Variants in KIF13B observed in about 807,000 individuals in gnomAD.
The protein encoded by KIF13B is kinesin family member 13B, also known as kinesin-like protein KIF13B.
In KIF13B, 127 loss-of-function variants were observed where a neutral mutation model predicts 222.0. That is an observed-to-expected ratio of 0.57 (90% CI 0.50 to 0.66). The LOEUF is 0.66. KIF13B is among the 30% of genes least tolerant of loss of function. KIF13B has a pLI of 0.00. For missense variants in KIF13B, 2,173 were observed against 2,379.0 expected, an observed-to-expected ratio of 0.91 and a Z score of 1.80; for synonymous variants, 976 against 919.0, an observed-to-expected ratio of 1.06 and a Z score of -1.12.
chr8:29,121,737 A>G lies in KIF13B; in HGVS notation c.3535+854T>C, dbSNP rs550565193. Among the ~76,000 whole-genome samples the G allele has an allele frequency of 2.0e-5, 3 of 150,928 alleles. No homozygotes were observed. In the South Asian group the frequency reaches 6.3e-4, roughly 32 times the overall value. On this transcript the variant is annotated intron_variant, in intron 29 of 39. Transcript: ENST00000524189. ...TAATTAAACTAAAGAGCTTCTGCACAGCAAAAGAAACTACCATCAGAGTGA... is the reference window on the plus strand; with the variant it reads ...TAATTAAACTAAAGAGCTTCTGCACGGCAAAAGAAACTACCATCAGAGTGA...
chr8:29,081,006 G>A (rs773930178), intron 37 of KIF13B, among the ~76,000 whole-genome samples: 3 of 152,168 alleles, frequency 2.0e-5, no homozygotes, highest in East Asian at 1.9e-4. Flanking sequence ...GTCCCATGTC[G>A]CTCGCCACCT....
intron 11 of KIF13B, 72 bp from the exon 12 acceptor site, chr8:29,165,844 G>A: frequency 1.9e-6 from 2 of 1,031,364 alleles, no homozygotes; most frequent in Non-Finnish European, 3.0e-6. Flanking sequence ...AACTCTAAAA[G>A]GACAAAAGTA....
chr8:29,132,468 G>A lies in KIF13B; in HGVS notation c.2785-3C>T. ...TCGGTGATGTTAACAGAAAACTCCT[G>A]AAACACAACAGCTAATTACAGAAGA... On this transcript the variant is annotated splice_region_variant and splice_polypyrimidine_tract_variant and intron_variant, in intron 22 of 39. Coordinates refer to ENST00000524189, the MANE Select transcript of KIF13B (RefSeq NM_015254.4). 6.7e-7 allele frequency: 1 copy of A among 1,486,366 alleles called. No individual in the cohort carries two copies. Among genetic ancestry groups the A allele is most frequent in the Admixed American group, 2.1e-5 (1 of 46,620 alleles). 92.1% of individuals were successfully genotyped at this position (1,486,366 alleles called of 1,614,324 possible).
At position 29,130,529 on chromosome 8, in the gene KIF13B, T is replaced by A; in HGVS notation, c.3075+4A>T. On this transcript the variant is annotated splice_donor_region_variant and intron_variant, in intron 24 of 39. Coordinates refer to ENST00000524189, the MANE Select transcript of KIF13B (RefSeq NM_015254.4). ...TCTAATGTAAACATTCACAATCTTG[T>A]TACCTGCCGGAGCTGGAAGATTCCT... 1 of 1,613,726 alleles carries A rather than the reference T, an allele frequency of 6.2e-7. No individual in the cohort carries two copies. The highest frequency in any genetic ancestry group is 8.5e-7 in the Non-Finnish European group (1 of 1,179,678).
intron 26 of KIF13B, among the ~76,000 whole-genome samples, chr8:29,126,211 G>T (rs1423164304): frequency 6.6e-6 from 1 of 152,200 alleles, no homozygotes; most frequent in Non-Finnish European, 1.5e-5. Flanking sequence ...GTCCAGGGAA[G>T]AGGATCCAGA....
Position 29,155,852 on chromosome 8 carries a change from T to C in KIF13B, c.1409A>G (p.His470Arg), listed in dbSNP as rs776752918. ...GGAATTTGCTGACCCTATCAATGTA[T>C]GTTCCTAAGAAAAAACCAAATTCAC... is the stretch of plus-strand genomic sequence containing the variant. The part of the protein sequence containing the change: ...NELLVYYLKE[H>R]TLIGSANSQD... The change falls in exon 14 of 40, where the codon CAT (histidine) becomes CGT (arginine). Residue 470 changes from histidine (H) to arginine (R), a missense_variant. Physicochemically the swap from His to Arg is conservative, Grantham distance 29. Around this residue, in one of 2 missense-constraint regions of KIF13B, gnomAD observed 1,480 missense variants for 1,722.8 expected, o/e 0.86. Coordinates refer to ENST00000524189, the MANE Select transcript of KIF13B (RefSeq NM_015254.4). The C allele has an allele frequency of 1.8e-5, 29 of 1,571,622 alleles. No individual in the cohort carries two copies. The African/African-American group carries it at 3.0e-4, about 16-fold the overall frequency.
Position 29,072,286 on chromosome 8 carries a change from C to G in KIF13B, c.4552G>C (p.Val1518Leu), listed in dbSNP as rs879120984. The G allele has an allele frequency of 6.8e-7, 1 of 1,462,790 alleles. No individual in the cohort carries two copies. Among genetic ancestry groups the G allele is most frequent in the African/African-American group, 1.5e-5 (1 of 67,964 alleles). 90.6% of individuals were successfully genotyped at this position (1,462,790 alleles called of 1,614,324 possible). A position where few individuals can be genotyped will look rare whatever the true frequency, so the allele number is the denominator to read the frequency against. ...AAGGCCGGGGCCCCCATCGTCTGCA[C>G]CAGCACGTCAGGGCCCATCTCCGGC... is the stretch of plus-strand genomic sequence containing the variant. The part of the protein sequence containing the change: ...AQPEMGPDVL[V>L]QTMGAPALKI... The change falls in exon 39 of 40, where the codon GTG becomes CTG. Residue 1518 changes from valine (V) to leucine (L), a missense_variant. Around this residue, in one of 2 missense-constraint regions of KIF13B, gnomAD observed 693 missense variants for 656.2 expected, o/e 1.06. Transcript: ENST00000524189.
intron 1 of KIF13B, among the ~76,000 whole-genome samples, chr8:29,256,090 A>G (rs930548296): frequency 5.3e-5 from 8 of 152,164 alleles, no homozygotes; most frequent in African/African-American, 1.7e-4. Flanking sequence ...CTAAAACTCA[A>G]TTGTGCTGAG....
chr8:29,113,574 G>A lies in KIF13B; in HGVS notation c.3838-19C>T. On this transcript the variant is annotated intron_variant, in intron 31 of 39. Coordinates refer to ENST00000524189, the MANE Select transcript of KIF13B (RefSeq NM_015254.4). The stretch of plus-strand genomic sequence containing the variant: ...CAAAACCCTAGAGAAAAACAAAATA[G>A]AAGATATGGTTTCCCACCTGAAAAA... The A allele has an allele frequency of 2.1e-6, 3 of 1,450,126 alleles. No homozygotes were observed. The highest frequency in any genetic ancestry group is 2.9e-6 in the Non-Finnish European group (3 of 1,051,668). 89.8% of individuals were successfully genotyped at this position (1,450,126 alleles called of 1,614,324 possible). A position where few individuals can be genotyped will look rare whatever the true frequency, so the allele number is the denominator to read the frequency against.
intron 34 of KIF13B, 51 bp from the exon 35 acceptor site, chr8:29,108,243 G>T: frequency 6.4e-7 from 1 of 1,556,296 alleles, no homozygotes; most frequent in Non-Finnish European, 8.8e-7. Flanking sequence ...GAGCATACAC[G>T]TGGTCTAGGC....
Position 29,150,326 on chromosome 8 carries a change from C to T in KIF13B, c.1593G>A (p.Arg531=). The T allele has an allele frequency of 6.3e-7, 1 of 1,591,304 alleles. No homozygotes were observed. The highest frequency in any genetic ancestry group is 8.6e-7 in the Non-Finnish European group (1 of 1,162,062). The stretch of plus-strand genomic sequence containing the variant: ...AGAAATGATTGTTTCCCCATAATAT[C>T]CTGTCCCCATGGTGTAGCTGTATTG... ...SSPIQLHHGD[R]ILWGNNHFFR... is the part of the protein sequence containing the mutation. The change falls in exon 15 of 40, where the codon AGG becomes AGA. Residue 531 remains arginine (R), a synonymous_variant. Coordinates refer to ENST00000524189, the MANE Select transcript of KIF13B (RefSeq NM_015254.4).
At chr8:29,244,730 T>C (rs936802067) in intron 2 of KIF13B, among the ~76,000 whole-genome samples, 1 of 152,196 alleles carries the variant, frequency 6.6e-6, no homozygotes, top group Non-Finnish European at 1.5e-5. Context: ...CTGCCCCAAA[T>C]TCATGTTCTT....
intron 13 of KIF13B, 94 bp from the exon 14 acceptor site, chr8:29,155,950 C>A (rs1563747238): frequency 9.9e-7 from 1 of 1,010,322 alleles, no homozygotes; most frequent in Non-Finnish European, 1.5e-6. Flanking sequence ...TGTCCTATTA[C>A]CTTTGCGAAA....
intron 24 of KIF13B, among the ~76,000 whole-genome samples, chr8:29,130,006 C>T (rs890860021): frequency 6.6e-6 from 1 of 152,166 alleles, no homozygotes; most frequent in Admixed American, 6.5e-5. Context: ...AATCTGAATG[C>T]TTATTATTTC....
chr8:29,173,979 T>G (rs912178765), intron 10 of KIF13B, among the ~76,000 whole-genome samples: 1 of 151,092 alleles, frequency 6.6e-6, no homozygotes, highest in African/African-American at 2.4e-5. Context: ...AATGAAACGA[T>G]TTAAAAAAAA....
At chr8:29,226,767 T>G (rs2130561387) in intron 2 of KIF13B, among the ~76,000 whole-genome samples, 1 of 152,366 alleles carries the variant, frequency 6.6e-6, no homozygotes, top group Admixed American at 6.5e-5. Context: ...TTCACTTTCA[T>G]TTTGACAGAC....
chr8:29,255,203 T>G (rs1315917888), intron 1 of KIF13B, among the ~76,000 whole-genome samples: 1 of 152,178 alleles, frequency 6.6e-6, no homozygotes, highest in African/African-American at 2.4e-5. Context: ...GTTCTGGAAT[T>G]GTATACTAAT....
chr8:29,251,008 G>A (rs1343597386), intron 1 of KIF13B, among the ~76,000 whole-genome samples: 7 of 151,972 alleles, frequency 4.6e-5, no homozygotes, highest in Non-Finnish European at 7.4e-5. Context: ...AAAATTAGCC[G>A]GGCGTGGAGG....
At chr8:29,256,765 T>A (rs1055699874) in intron 1 of KIF13B, among the ~76,000 whole-genome samples, 14 of 152,172 alleles carry the variant, frequency 9.2e-5, no homozygotes, top group African/African-American at 2.9e-4. Context: ...TTTGTTTGTT[T>A]GTTTGTTTTG....
Sources: gnomAD v4.1 joint callset for allele counts (sites outside exome capture counted in the v4.1 genomes callset) on GRCh38, gnomAD v4.1.1 for gene constraint, gnomAD v4.1.1 regional missense constraint, MANE v1.5 for transcripts, NCBI Gene and HGNC (gene_info 2026-07-23, HGNC 2026-07-21) for gene names.